Variants in NCK2 observed in about 807,000 individuals in gnomAD.
NCK2 encodes cytoplasmic protein NCK2.
Under a neutral mutation model 33.9 loss-of-function variants are expected in NCK2, and 16 were observed. The ratio of observed to expected loss-of-function variants is 0.47; its 90% confidence interval spans 0.32 to 0.72. The LOEUF (loss-of-function observed/expected upper bound fraction) is 0.72. Ranked by LOEUF, NCK2 falls within the 30% of genes least tolerant of loss-of-function variation. The probability of loss-of-function intolerance (pLI) is 0.03; values close to 1 mark genes in which losing one functional copy is unlikely to be tolerated. For synonymous variants in NCK2, 273 were observed against 239.9 expected (o/e 1.14, Z -1.27); for missense variants, 418 against 537.3 (o/e 0.78, Z 2.19).
At chr2:105,888,860 C>T (rs1678833455) in intron 4 of NCK2, among the ~76,000 whole-genome samples, 1 of 152,196 alleles carries the variant, frequency 6.6e-6, no homozygotes, top group African/African-American at 2.4e-5. Flanking sequence ...CCTGCATCCC[C>T]AGTCTAGCCT....
chr2:105,850,460 T>A (rs558729185), intron 2 of NCK2, among the ~76,000 whole-genome samples: 2 of 152,338 alleles, frequency 1.3e-5, no homozygotes, highest in South Asian at 4.1e-4. Context: ...CTCATGAGGT[T>A]CTGAGAGCTG....
intron 2 of NCK2, among the ~76,000 whole-genome samples, chr2:105,841,913 C>G (rs1478222237): frequency 1.3e-5 from 2 of 152,064 alleles, no homozygotes; most frequent in East Asian, 3.9e-4. Flanking sequence ...GAAGGGAGCT[C>G]GCTTAGAAAA....
intron 2 of NCK2, among the ~76,000 whole-genome samples, chr2:105,837,668 A>G (rs1676483815): frequency 6.6e-6 from 1 of 152,198 alleles, no homozygotes; most frequent in African/African-American, 2.4e-5. Context: ...GCATTACAAG[A>G]TAAGCCCACA....
At chr2:105,818,995 T>A (rs1675617960) in intron 2 of NCK2, among the ~76,000 whole-genome samples, 2 of 152,212 alleles carry the variant, frequency 1.3e-5, no homozygotes, top group South Asian at 4.1e-4. Flanking sequence ...TAGGATTAAG[T>A]GTCTTAGTGT....
chr2:105,892,864 A>C (rs922620615), intron 4 of NCK2, 118 bp from the exon 5 acceptor site: 14 of 722,268 alleles, frequency 1.9e-5, no homozygotes, highest in Non-Finnish European at 2.8e-5. Context: ...AAAAAAAAGC[A>C]GAGACCCAGT....
chr2:105,754,048 C>T (rs1689533870), intron 1 of NCK2, among the ~76,000 whole-genome samples: 1 of 152,186 alleles, frequency 6.6e-6, no homozygotes, highest in African/African-American at 2.4e-5. Context: ...TGTTGAGCAG[C>T]CCTCCCTGGA....
At chr2:105,813,932 G>A (rs114656899) in intron 1 of NCK2, among the ~76,000 whole-genome samples, 5 of 152,172 alleles carry the variant, frequency 3.3e-5, no homozygotes, top group East Asian at 3.9e-4. Context: ...TGCTAGTGAA[G>A]TACTTTTAGA....
At chr2:105,890,906 C>G (rs1048721363) in intron 4 of NCK2, among the ~76,000 whole-genome samples, 1 of 152,180 alleles carries the variant, frequency 6.6e-6, no homozygotes, top group Non-Finnish European at 1.5e-5. Flanking sequence ...GCTGGGAGGT[C>G]GCAGAGCAGG....
chr2:105,802,258 G>T (rs1468681421), intron 1 of NCK2, among the ~76,000 whole-genome samples: 1 of 152,188 alleles, frequency 6.6e-6, no homozygotes, highest in African/African-American at 2.4e-5. Context: ...GAAATCACTT[G>T]CTCAAATGTG....
chr2:105,837,595 A>G (rs1676480802), intron 2 of NCK2, among the ~76,000 whole-genome samples: 1 of 152,194 alleles, frequency 6.6e-6, no homozygotes, highest in Non-Finnish European at 1.5e-5. Context: ...GCACAGTGCA[A>G]GAGTTTCTGT....
rs558762614 is a variant in NCK2 at position 105,863,879 on chromosome 2, C to T, written c.226+8590C>T. 4.6e-5 allele frequency among the ~76,000 whole-genome samples: 7 copies of T among 152,144 alleles called. No homozygotes were observed. The East Asian group carries it at 5.8e-4, about 13-fold the overall frequency. On this transcript the variant is annotated intron_variant, in intron 3 of 4. Coordinates refer to ENST00000233154, the MANE Select transcript of NCK2 (RefSeq NM_003581.5). ...AGCCTCAGTTGCGTCGTCTGTATAACGGGATACGTGACTGCTTGTCTCATA... is the reference window on the plus strand; with the variant it reads ...AGCCTCAGTTGCGTCGTCTGTATAATGGGATACGTGACTGCTTGTCTCATA...
intron 1 of NCK2, among the ~76,000 whole-genome samples, chr2:105,764,037 C>T (rs935117386): frequency 5.9e-5 from 9 of 152,378 alleles, no homozygotes; most frequent in African/African-American, 9.6e-5. Context: ...TACAACCCCA[C>T]GAGGCTGCCC....
chr2:105,861,512 TC>T (rs568235921), intron 3 of NCK2, among the ~76,000 whole-genome samples: 6 of 123,354 alleles, frequency 4.9e-5, no homozygotes, highest in South Asian at 2.6e-4. Flanking sequence ...GAGGTTTTTC[TC>T]TTTTTTTTTT....
chr2:105,776,161 T>C (rs1039807284), intron 1 of NCK2, among the ~76,000 whole-genome samples: 1 of 152,074 alleles, frequency 6.6e-6, no homozygotes, highest in African/African-American at 2.4e-5. Context: ...ATCTCAGTGC[T>C]CTGCCCTGCC....
At chr2:105,824,843 C>G (rs549859169) in intron 2 of NCK2, among the ~76,000 whole-genome samples, 1 of 152,190 alleles carries the variant, frequency 6.6e-6, no homozygotes, top group African/African-American at 2.4e-5. Context: ...TGCCATGCCC[C>G]ACAGAATTCA....
At chr2:105,748,347 G>A (rs1689355973) in intron 1 of NCK2, among the ~76,000 whole-genome samples, 2 of 152,186 alleles carry the variant, frequency 1.3e-5, no homozygotes, top group South Asian at 2.1e-4. Flanking sequence ...CTTTCTTTGT[G>A]TCCCTGATTT....
chr2:105,809,001 T>C (rs1247329660), intron 1 of NCK2, among the ~76,000 whole-genome samples: 2 of 152,192 alleles, frequency 1.3e-5, no homozygotes, highest in Admixed American at 6.5e-5. Context: ...TAGTGAAACA[T>C]CACAATTCAA....
chr2:105,830,693 G>GTGTA (rs1553458067), intron 2 of NCK2, among the ~76,000 whole-genome samples: 8 of 147,940 alleles, frequency 5.4e-5, no homozygotes, highest in South Asian at 2.1e-4. Context: ...GTGTGTGTGT[G>GTGTA]TGTGTGTGTG....
chr2:105,856,024 TG>T (rs1236725011), intron 3 of NCK2, among the ~76,000 whole-genome samples: 1 of 152,110 alleles, frequency 6.6e-6, no homozygotes, highest in African/African-American at 2.4e-5. Context: ...TTAGTAGAGA[TG>T]GGGTTTCACT....
Sources: allele counts gnomAD v4.1 joint callset (sites outside exome capture counted in the v4.1 genomes callset), GRCh38; gene constraint gnomAD v4.1.1; transcripts MANE v1.5; gene names NCBI Gene and HGNC (gene_info 2026-07-23, HGNC 2026-07-21).